BSDC1: variants seen among roughly 807,000 people sequenced by gnomAD.
BSDC1 encodes the protein BSD domain-containing protein 1.
A neutral mutation model predicts 56.0 loss-of-function variants in BSDC1; 29 were observed. The observed-to-expected ratio is 0.52, with a 90% confidence interval of 0.39 to 0.71. The LOEUF (loss-of-function observed/expected upper bound fraction) is 0.71. Ranked by LOEUF, BSDC1 falls within the 30% of genes least tolerant of loss-of-function variation. The probability of loss-of-function intolerance (pLI) is 0.00; values close to 1 mark genes in which losing one functional copy is unlikely to be tolerated. For missense variants in BSDC1, 477 were observed against 548.5 expected (o/e 0.87, Z 1.30); for synonymous variants, 210 against 215.3 (o/e 0.98, Z 0.21).
chr1:32,367,092 G>C, intron 10 of BSDC1: 1 of 988,162 alleles, frequency 1.0e-6, no homozygotes, highest in Non-Finnish European at 1.2e-6. Flanking sequence ...TTAGTCTTTG[G>C]GTGAATGGAG....
chr1:32,377,966 T>C lies in BSDC1; in HGVS notation c.676+4A>G. 1 of 1,611,276 alleles carries C rather than the reference T, an allele frequency of 6.2e-7. No individual in the cohort carries two copies. Among genetic ancestry groups the C allele is most frequent in the Non-Finnish European group, 8.5e-7 (1 of 1,178,474 alleles). ...CTTGCCCCTCACCTCTCAACGCCTC[T>C]TACCTTCCTCCTCCTCCCAGCCGGG... On this transcript the variant is annotated splice_donor_region_variant and intron_variant, in intron 8 of 10. Coordinates refer to ENST00000455895, the MANE Select transcript of BSDC1 (RefSeq NM_018045.8).
At position 32,369,430 on chromosome 1, in the gene BSDC1, G is replaced by A. The variant is rs1641986851; in HGVS notation, c.1157-880C>T. On this transcript the variant is annotated intron_variant, in intron 9 of 10. Transcript: ENST00000455895. ...AGGCTGAGGTGTGGTGATCACTTGA[G>A]CCCAGGAGTTCAAGGCTGCAGTGAG... is the stretch of plus-strand genomic sequence containing the variant. 6.0e-6 allele frequency: 3 copies of A among 501,108 alleles called. No homozygotes were observed. The Admixed American group carries it at 9.4e-5, about 16-fold the overall frequency. 31.0% of individuals were successfully genotyped at this position (501,108 alleles called of 1,614,324 possible). A position where few individuals can be genotyped will look rare whatever the true frequency, so the allele number is the denominator to read the frequency against.
chr1:32,367,447 C>G, intron 10 of BSDC1: 1 of 985,368 alleles, frequency 1.0e-6, no homozygotes, highest in Non-Finnish European at 1.2e-6. Flanking sequence ...AAATACTCCC[C>G]CAAGGCTTCA....
chr1:32,371,888 A>T (rs1226973829), intron 9 of BSDC1, among the ~76,000 whole-genome samples: 3 of 152,120 alleles, frequency 2.0e-5, no homozygotes, highest in East Asian at 3.9e-4. Flanking sequence ...GCTTCAGTCT[A>T]TTTATAAAAT....
chr1:32,376,134 C>T (rs977991948), intron 9 of BSDC1, 128 bp downstream of exon 9: 2 of 985,790 alleles, frequency 2.0e-6, no homozygotes, highest in Admixed American at 2.7e-5. Context: ...TATATAGCAG[C>T]TGTCATCATT....
chr1:32,369,972 T>G (rs1204290746), intron 9 of BSDC1, among the ~76,000 whole-genome samples: 3 of 152,054 alleles, frequency 2.0e-5, no homozygotes, highest in Non-Finnish European at 4.4e-5. Flanking sequence ...AATTTTTGTA[T>G]TTTTACTTAT....
Position 32,387,561 on chromosome 1 carries a change from G to A in BSDC1, c.73-666C>T, listed in dbSNP as rs184540200. ...TCTCCATGTTGGTCAGGCTGGTCTC[G>A]AACTCCCAACCTCAGGTGATCCGCC... is the stretch of plus-strand genomic sequence containing the variant. On this transcript the variant is annotated intron_variant, in intron 2 of 10. Coordinates refer to ENST00000455895, the MANE Select transcript of BSDC1 (RefSeq NM_018045.8). Among the ~76,000 whole-genome samples the A allele has an allele frequency of 3.1e-3, 479 of 152,224 alleles. 2 individuals carry two copies. The highest frequency in any genetic ancestry group is 5.0e-3 in the Admixed American group (76 of 15,302).
rs1642367667 is a variant in BSDC1, at chr1:32,378,318, G to A, written c.529-35C>T. 1.9e-6 allele frequency: 3 copies of A among 1,603,474 alleles called. No individual in the cohort carries two copies. The highest frequency in any genetic ancestry group is 2.7e-5 in the African/African-American group (2 of 74,682). ...GGGGAAAATGGAGGTGAGACTTTGGGAGTGTTTGTGTGGGGTCTGTGTCCC... is the reference window on the plus strand; with the variant it reads ...GGGGAAAATGGAGGTGAGACTTTGGAAGTGTTTGTGTGGGGTCTGTGTCCC... On this transcript the variant is annotated intron_variant, in intron 6 of 10. Transcript: ENST00000455895. This position sits in a 1 kb window ranked among gnomAD's most constrained non-coding sequence, Gnocchi z 5.2.
intron 3 of BSDC1, 133 bp from the exon 4 acceptor site, chr1:32,384,130 T>A: frequency 7.9e-7 from 1 of 1,267,920 alleles, no homozygotes; most frequent in South Asian, 1.3e-5. Context: ...CCTTCACCCG[T>A]CTCTGGGGCT....
chr1:32,393,630 G>T (rs1642942876), intron 2 of BSDC1: 2 of 165,602 alleles, frequency 1.2e-5, no homozygotes, highest in African/African-American at 4.8e-5. Flanking sequence ...GCTTTGTAAG[G>T]CCCAGGATTA....
chr1:32,376,109 T>A (rs1161250094), intron 9 of BSDC1, among the ~76,000 whole-genome samples, 153 bp downstream of exon 9: 1 of 152,234 alleles, frequency 6.6e-6, no homozygotes, highest in East Asian at 1.9e-4. Context: ...ATGAAATATG[T>A]TAGCAAATAG....
chr1:32,380,196 G>C (rs570265270), intron 5 of BSDC1, among the ~76,000 whole-genome samples: 1 of 152,152 alleles, frequency 6.6e-6, no homozygotes, highest in Non-Finnish European at 1.5e-5. Context: ...TGGCTCCCAC[G>C]AGCTGCTCTC....
At chr1:32,394,019 C>A in intron 2 of BSDC1, 61 bp downstream of exon 2, 7 of 1,548,348 alleles carry the variant, frequency 4.5e-6, no homozygotes, top group Non-Finnish European at 6.2e-6. Context: ...CTGGTTGGAC[C>A]AGGTTGCATT....
At chr1:32,384,682 C>T (rs1205664642) in intron 3 of BSDC1, among the ~76,000 whole-genome samples, 3 of 152,094 alleles carry the variant, frequency 2.0e-5, no homozygotes. Context: ...GGTCACTATA[C>T]AGACCACACT....
intron 5 of BSDC1, among the ~76,000 whole-genome samples, chr1:32,379,942 C>A (rs1350652779): frequency 6.6e-6 from 1 of 152,200 alleles, no homozygotes; most frequent in Non-Finnish European, 1.5e-5. Flanking sequence ...ACTCTGATCA[C>A]CCCAGGCCTC....
intron 9 of BSDC1, among the ~76,000 whole-genome samples, chr1:32,375,670 A>T (rs1642253595): frequency 6.6e-6 from 1 of 152,188 alleles, no homozygotes; most frequent in South Asian, 2.1e-4. Context: ...TTTCTTCTTT[A>T]AACTGTAGGT....
intron 4 of BSDC1, 64 bp from the exon 5 acceptor site, chr1:32,381,332 C>T: frequency 6.7e-7 from 1 of 1,497,448 alleles, no homozygotes; most frequent in Non-Finnish European, 9.2e-7. Context: ...AGCACCCTTT[C>T]TCTGCCAGGA....
chr1:32,386,745 G>T, intron 3 of BSDC1, 34 bp downstream of exon 3: 1 of 1,554,406 alleles, frequency 6.4e-7, no homozygotes, highest in Non-Finnish European at 8.9e-7. Flanking sequence ...GGTTGCGAGG[G>T]GCAGTTACTT....
chr1:32,374,003 C>T (rs1642189532), intron 9 of BSDC1, among the ~76,000 whole-genome samples: 1 of 152,190 alleles, frequency 6.6e-6, no homozygotes, highest in Non-Finnish European at 1.5e-5. Context: ...GGACCATCCA[C>T]CCAGCAACCC....
Sources: allele counts gnomAD v4.1 joint callset (sites outside exome capture counted in the v4.1 genomes callset), GRCh38; gene constraint gnomAD v4.1.1; non-coding constraint Gnocchi (gnomAD v3.1); transcripts MANE v1.5; gene names NCBI Gene and HGNC (gene_info 2026-07-23, HGNC 2026-07-21).